Variants in HTR7 observed in about 807,000 individuals in gnomAD.
HTR7 encodes the protein 5-hydroxytryptamine receptor 7.
A neutral mutation model predicts 34.0 loss-of-function variants in HTR7; 16 were observed. The observed-to-expected ratio is 0.47, with a 90% CI of 0.32 to 0.71. HTR7 has a LOEUF of 0.71. Among genes scored for constraint, HTR7 ranks in the 30% least tolerant of loss-of-function variants. HTR7 has a pLI of 0.04. For synonymous variants in HTR7, 265 were observed against 260.2 expected (o/e 1.02, Z -0.18); for missense variants, 504 against 625.5 (o/e 0.81, Z 2.07).
rs1054145660 is a variant in HTR7 at position 90,826,708 on chromosome 10, C to T, written c.539+30425G>A. On this transcript the variant is annotated intron_variant, in intron 1 of 3. Transcript: ENST00000336152. Reference sequence around the variant, plus strand: ...ATCCCAGCACTTTGGGAGGCTGAGGCGGGCGGATCACGAGCTCAGGAGATC... The same window carrying T: ...ATCCCAGCACTTTGGGAGGCTGAGGTGGGCGGATCACGAGCTCAGGAGATC... Among the ~76,000 whole-genome samples the T allele has an allele frequency of 1.8e-4, 28 of 151,748 alleles. 1 individual carries two copies. The highest frequency in any genetic ancestry group is 5.8e-4 in the East Asian group (3 of 5,144).
intron 1 of HTR7, among the ~76,000 whole-genome samples, chr10:90,821,124 ACACACACATG>A (rs1845972634): frequency 8.3e-6 from 1 of 120,412 alleles, no homozygotes; most frequent in Non-Finnish European, 1.7e-5. Flanking sequence ...ACACAAACAC[ACACACACATG>A]CACACACACA....
rs114691191 is a variant in HTR7 at position 90,777,736 on chromosome 10, C to G, written c.540-28142G>C. Among the ~76,000 whole-genome samples the G allele has an allele frequency of 5.8e-3, 881 of 152,284 alleles. 8 individuals carry two copies. Among genetic ancestry groups the G allele is most frequent in the African/African-American group, 0.02 (848 of 41,564 alleles). On this transcript the variant is annotated intron_variant, in intron 1 of 3. Transcript: ENST00000336152. ...CAACTGAAAGCATTGCTATCCTAAA[C>G]AAAACCAGATAACCAGCAGTTGTGA...
chr10:90,808,502 C>T (rs1203742925), intron 1 of HTR7, among the ~76,000 whole-genome samples: 1 of 151,876 alleles, frequency 6.6e-6, no homozygotes, highest in Non-Finnish European at 1.5e-5. Flanking sequence ...ATGCCCCGAC[C>T]TCTTATATCT....
intron 1 of HTR7, among the ~76,000 whole-genome samples, chr10:90,753,786 T>C (rs1844783068): frequency 6.6e-6 from 1 of 152,046 alleles, no homozygotes. Flanking sequence ...AAAATGATGA[T>C]GTACGTCTGT....
At chr10:90,783,891 C>T (rs778696773) in intron 1 of HTR7, among the ~76,000 whole-genome samples, 4 of 152,144 alleles carry the variant, frequency 2.6e-5, no homozygotes, top group Non-Finnish European at 5.9e-5. Context: ...TTCACCATTA[C>T]TTTTTCCAAC....
chr10:90,746,782 C>T (rs1199943821), intron 2 of HTR7, among the ~76,000 whole-genome samples: 1 of 152,176 alleles, frequency 6.6e-6, no homozygotes, highest in Non-Finnish European at 1.5e-5. Flanking sequence ...CAGTTCCCTA[C>T]CTTCAAATCA....
rs1306162770 is a variant in HTR7, at chr10:90,848,917, G to A, written c.539+8216C>T. Among the ~76,000 whole-genome samples, 3 of 152,290 alleles carry A rather than the reference G, an allele frequency of 2.0e-5. No individual in the cohort carries two copies. The East Asian group carries it at 5.8e-4, about 29-fold the overall frequency. Reference sequence around the variant, plus strand: ...ACTTTTGAAATCAGAAACTCTTGGGGTAAGGTTTCTGATTTGGTAAGGTCT... The same window carrying A: ...ACTTTTGAAATCAGAAACTCTTGGGATAAGGTTTCTGATTTGGTAAGGTCT... On this transcript the variant is annotated intron_variant, in intron 1 of 3. Coordinates refer to ENST00000336152, the MANE Select transcript of HTR7 (RefSeq NM_019859.4).
intron 1 of HTR7, among the ~76,000 whole-genome samples, chr10:90,780,593 G>A (rs1367707054): frequency 1.3e-5 from 2 of 151,154 alleles, no homozygotes; most frequent in Admixed American, 1.3e-4. Flanking sequence ...CATGGAAAGT[G>A]ATTCGTAAAT....
chr10:90,779,606 T>C (rs1589447402), intron 1 of HTR7, among the ~76,000 whole-genome samples: 1 of 152,228 alleles, frequency 6.6e-6, no homozygotes, highest in African/African-American at 2.4e-5. Context: ...CTCTCCTCCA[T>C]ACTATGGCTA....
intron 1 of HTR7, among the ~76,000 whole-genome samples, chr10:90,829,686 G>A (rs1473068756): frequency 6.6e-6 from 1 of 152,148 alleles, no homozygotes; most frequent in East Asian, 1.9e-4. Context: ...AACTGTCCTT[G>A]TTTGCAGATG....
At chr10:90,744,444 T>C (rs1844603870) in intron 2 of HTR7, among the ~76,000 whole-genome samples, 1 of 152,034 alleles carries the variant, frequency 6.6e-6, no homozygotes, top group African/African-American at 2.4e-5. Flanking sequence ...ACAGTGCTAC[T>C]GCATCAGTCT....
chr10:90,841,612 C>T (rs1213140017), intron 1 of HTR7, among the ~76,000 whole-genome samples: 2 of 152,120 alleles, frequency 1.3e-5, no homozygotes, highest in Non-Finnish European at 2.9e-5. Flanking sequence ...TTATTATTAA[C>T]ATCATCTTCT....
At chr10:90,826,433 A>C (rs1413621486) in intron 1 of HTR7, among the ~76,000 whole-genome samples, 1 of 152,224 alleles carries the variant, frequency 6.6e-6, no homozygotes, top group African/African-American at 2.4e-5. Flanking sequence ...AATAATAAGT[A>C]AACAGAAAAA....
At chr10:90,759,097 G>T (rs966411121) in intron 1 of HTR7, among the ~76,000 whole-genome samples, 15 of 151,134 alleles carry the variant, frequency 9.9e-5, no homozygotes, top group African/African-American at 3.2e-4. Context: ...TGAGGCAGGA[G>T]AATTGCTTGA....
At chr10:90,832,860 A>C (rs971699767) in intron 1 of HTR7, among the ~76,000 whole-genome samples, 3 of 152,160 alleles carry the variant, frequency 2.0e-5, no homozygotes, top group African/African-American at 7.2e-5. Flanking sequence ...CCCTCTGAAA[A>C]AGACCAGTGA....
chr10:90,757,326 T>C (rs1370944168), intron 1 of HTR7, among the ~76,000 whole-genome samples: 1 of 152,060 alleles, frequency 6.6e-6, no homozygotes, highest in Non-Finnish European at 1.5e-5. Context: ...TGAAAAGCCA[T>C]GAAGAGCAGA....
chr10:90,838,041 C>T (rs1846278497), intron 1 of HTR7, among the ~76,000 whole-genome samples: 1 of 152,160 alleles, frequency 6.6e-6, no homozygotes, highest in Non-Finnish European at 1.5e-5. Context: ...TCCCTCAAAG[C>T]TTGGTGTTTA....
At chr10:90,836,050 CAA>C (rs1846247518) in intron 1 of HTR7, among the ~76,000 whole-genome samples, 2 of 152,186 alleles carry the variant, frequency 1.3e-5, no homozygotes, top group South Asian at 2.1e-4. Flanking sequence ...ATATAAGACA[CAA>C]ATTACGTATC....
intron 1 of HTR7, among the ~76,000 whole-genome samples, chr10:90,777,318 TAA>T (rs1454096463): frequency 6.6e-6 from 1 of 151,730 alleles, no homozygotes. Context: ...CTGTCTCTAC[TAA>T]AAATACAAAA....
Sources: allele counts gnomAD v4.1 joint callset (sites outside exome capture counted in the v4.1 genomes callset), GRCh38; gene constraint gnomAD v4.1.1; transcripts MANE v1.5; gene names NCBI Gene and HGNC (gene_info 2026-07-23, HGNC 2026-07-21).